AP2B1: variants seen among roughly 807,000 people sequenced by gnomAD.
AP2B1 encodes adaptor related protein complex 2 subunit beta 1, also known as AP-2 complex subunit beta.
In AP2B1, 23 loss-of-function variants were observed where a neutral mutation model predicts 102.0. That is an observed-to-expected ratio of 0.23 (90% CI 0.16 to 0.32). The LOEUF is 0.32. Among genes scored for constraint, AP2B1 ranks in the 10% least tolerant of loss-of-function variants. The pLI is 1.00. For missense variants in AP2B1, 541 were observed against 1,157.4 expected (o/e 0.47, Z 7.73); for synonymous variants, 381 against 421.2 (o/e 0.90, Z 1.17).
intron 1 of AP2B1, among the ~76,000 whole-genome samples, chr17:35,589,398 T>C (rs920428770): frequency 1.3e-5 from 2 of 152,248 alleles, no homozygotes; most frequent in East Asian, 3.8e-4. Flanking sequence ...CTTTACAAAC[T>C]AATTTAGCTT....
chr17:35,648,464 C>CGA (rs1431077850), intron 12 of AP2B1, among the ~76,000 whole-genome samples: 7 of 151,926 alleles, frequency 4.6e-5, no homozygotes, highest in Non-Finnish European at 4.4e-5. Context: ...TGCAGTGAGC[C>CGA]GAGATACGCC....
chr17:35,640,863 G>T (rs999377569), intron 11 of AP2B1, among the ~76,000 whole-genome samples: 1 of 152,122 alleles, frequency 6.6e-6, no homozygotes, highest in Non-Finnish European at 1.5e-5. Context: ...ATTACAGCAG[G>T]GATTTTCGCT....
chr17:35,702,033 A>G (rs1240238385), intron 18 of AP2B1, among the ~76,000 whole-genome samples: 1 of 152,234 alleles, frequency 6.6e-6, no homozygotes, highest in Admixed American at 6.5e-5. Context: ...GCCAGTCACT[A>G]TTCTAGAAAC....
intron 14 of AP2B1, among the ~76,000 whole-genome samples, chr17:35,666,502 T>C (rs1398893847): frequency 6.6e-6 from 1 of 152,188 alleles, no homozygotes; most frequent in African/African-American, 2.4e-5. Context: ...AAATATTCTT[T>C]TCCTGAAGTT....
At chr17:35,620,438 T>A (rs1337921450) in intron 5 of AP2B1, among the ~76,000 whole-genome samples, 1 of 152,182 alleles carries the variant, frequency 6.6e-6, no homozygotes, top group Non-Finnish European at 1.5e-5. Flanking sequence ...GGCAAGACCC[T>A]GTCTCTTAAA....
At chr17:35,710,085 T>C in intron 19 of AP2B1, 149 bp from the exon 20 acceptor site, 1 of 681,032 alleles carries the variant, frequency 1.5e-6, no homozygotes, top group Non-Finnish European at 2.7e-6. Context: ...ATAGCACTTT[T>C]GTAGAGCTCA....
chr17:35,652,892 G>GA (rs2075123681), intron 13 of AP2B1, among the ~76,000 whole-genome samples: 1 of 152,154 alleles, frequency 6.6e-6, no homozygotes, highest in Non-Finnish European at 1.5e-5. Flanking sequence ...CATGTGTAGA[G>GA]AATACTCTGT....
intron 3 of AP2B1, among the ~76,000 whole-genome samples, chr17:35,602,168 CT>C (rs1185928283): frequency 6.6e-6 from 1 of 152,044 alleles, no homozygotes; most frequent in Admixed American, 6.6e-5. Flanking sequence ...AAACAAAAGG[CT>C]AGTGGATGTC....
At chr17:35,595,847 TTC>T (rs1306509624) in intron 2 of AP2B1, among the ~76,000 whole-genome samples, 1 of 152,204 alleles carries the variant, frequency 6.6e-6, no homozygotes, top group Non-Finnish European at 1.5e-5. Flanking sequence ...TTATTTCTTC[TTC>T]TGTTAGCATT....
At chr17:35,609,920 T>A (rs1290828552) in intron 5 of AP2B1, among the ~76,000 whole-genome samples, 1 of 152,188 alleles carries the variant, frequency 6.6e-6, no homozygotes, top group Admixed American at 6.5e-5. Flanking sequence ...TCCTTCAAGA[T>A]TAGTATTAAA....
At chr17:35,650,492 G>C in intron 12 of AP2B1, 38 bp from the exon 13 acceptor site, 4 of 1,603,392 alleles carry the variant, frequency 2.5e-6, no homozygotes. Flanking sequence ...ATGGAGAACA[G>C]TTTCATCTCC....
intron 5 of AP2B1, among the ~76,000 whole-genome samples, chr17:35,622,852 G>T: frequency 6.6e-6 from 1 of 151,986 alleles, no homozygotes. Flanking sequence ...TTTTAGTAGA[G>T]ACAGGGTTTC....
chr17:35,638,488 TAAAG>T (rs1485440605), intron 10 of AP2B1, among the ~76,000 whole-genome samples: 1 of 152,164 alleles, frequency 6.6e-6, no homozygotes, highest in Non-Finnish European at 1.5e-5. Flanking sequence ...AGAACTAACA[TAAAG>T]AAAGATCTCT....
At chr17:35,713,221 G>A (rs2076486448) in intron 20 of AP2B1, among the ~76,000 whole-genome samples, 1 of 152,196 alleles carries the variant, frequency 6.6e-6, no homozygotes, top group Non-Finnish European at 1.5e-5. Flanking sequence ...CACGCCAATC[G>A]CTCCATGCTG....
At chr17:35,716,355 C>T (rs1328084417) in intron 20 of AP2B1, among the ~76,000 whole-genome samples, 2 of 152,170 alleles carry the variant, frequency 1.3e-5, no homozygotes, top group African/African-American at 4.8e-5. Flanking sequence ...ACCTTTAATT[C>T]TGGAACGTTA....
chr17:35,592,609 CT>C (rs1328362365), intron 1 of AP2B1, among the ~76,000 whole-genome samples: 1 of 152,164 alleles, frequency 6.6e-6, no homozygotes, highest in Non-Finnish European at 1.5e-5. Context: ...GTGGCGTGAT[CT>C]CGGCTTACTG....
intron 12 of AP2B1, among the ~76,000 whole-genome samples, chr17:35,649,265 TA>T (rs1326184871): frequency 2.5e-4 from 38 of 152,004 alleles, no homozygotes; most frequent in South Asian, 1.7e-3. Flanking sequence ...TTAAAGCAGT[TA>T]AAAAAAATTT....
In AP2B1 at chr17:35,717,377, T is replaced by C. The variant is rs1475038117; in HGVS notation, c.2781+28T>C. 3 of 1,613,458 alleles carry C rather than the reference T, an allele frequency of 1.9e-6. No homozygotes were observed. In the African/African-American group the frequency reaches 4.0e-5, roughly 22 times the overall value. On this transcript the variant is annotated intron_variant, in intron 21 of 21. Transcript: ENST00000610402. ...AAGGCCTTTCTCAGAATGGGTGAGA[T>C]GGATTAGAGGAGGGAGGTGAGAGCC...
In AP2B1 at chr17:35,671,849, A is replaced by G; in HGVS notation, c.2127A>G (p.Glu709=). 6.2e-7 allele frequency: 1 copy of G among 1,613,558 alleles called. No homozygotes were observed. The highest frequency in any genetic ancestry group is 8.5e-7 in the Non-Finnish European group (1 of 1,179,908). The change falls in exon 16 of 22, where the codon GAA becomes GAG. Residue 709 remains glutamate, a synonymous_variant. Transcript: ENST00000610402. ...VVSSGLNDLF[E]LSTGIGMAPG... ...GCAGTGGACTGAATGACCTGTTTGA[A>G]CTCTCCACAGGGATAGGCATGGCAC...
Sources: allele counts gnomAD v4.1 joint callset (sites outside exome capture counted in the v4.1 genomes callset), GRCh38; gene constraint gnomAD v4.1.1; transcripts MANE v1.5; gene names NCBI Gene and HGNC (gene_info 2026-07-23, HGNC 2026-07-21).